The following DACH1 variants were observed in gnomAD, a reference collection of about 807,000 sequenced individuals.
DACH1 encodes dachshund family transcription factor 1, also known as dachshund homolog 1.
In DACH1, 12 loss-of-function variants were observed where a neutral mutation model predicts 54.2. That is an observed-to-expected ratio of 0.22 (90% CI 0.14 to 0.36). The LOEUF (loss-of-function observed/expected upper bound fraction) is 0.36. Ranked by LOEUF, DACH1 falls within the 10% of genes least tolerant of loss-of-function variation. The probability of loss-of-function intolerance (pLI) is 1.00; values close to 1 mark genes in which losing one functional copy is unlikely to be tolerated. For missense variants in DACH1, 805 were observed against 929.8 expected, an observed-to-expected ratio of 0.87 and a Z score of 1.75; for synonymous variants, 386 against 366.2, an observed-to-expected ratio of 1.05 and a Z score of -0.62.
chr13:71,775,783 A>C (rs1375215122), intron 1 of DACH1, among the ~76,000 whole-genome samples: 2 of 152,170 alleles, frequency 1.3e-5, no homozygotes, highest in African/African-American at 2.4e-5. Context: ...TAACTGAAAA[A>C]TCTAACATCA....
At chr13:71,494,468 G>T (rs111940994) in intron 6 of DACH1, among the ~76,000 whole-genome samples, 7 of 152,190 alleles carry the variant, frequency 4.6e-5, no homozygotes, top group African/African-American at 1.7e-4. Context: ...TTGCCTATCT[G>T]TAGGTTAATG....
intron 2 of DACH1, among the ~76,000 whole-genome samples, chr13:71,638,508 T>C (rs1459606700): frequency 1.3e-5 from 2 of 152,212 alleles, no homozygotes; most frequent in Non-Finnish European, 2.9e-5. Flanking sequence ...TGATACATCA[T>C]GGCAGTATTT....
At chr13:71,856,346 T>C (rs142671399) in intron 1 of DACH1, among the ~76,000 whole-genome samples, 2 of 152,094 alleles carry the variant, frequency 1.3e-5, no homozygotes, top group Non-Finnish European at 2.9e-5. Context: ...GCATGTACCA[T>C]ACTGTCAACA....
At chr13:71,615,643 C>T (rs978150464) in intron 3 of DACH1, among the ~76,000 whole-genome samples, 13 of 152,072 alleles carry the variant, frequency 8.5e-5, no homozygotes, top group Admixed American at 7.2e-4. Flanking sequence ...TCAGAGACTG[C>T]AGTAAATAAT....
intron 3 of DACH1, among the ~76,000 whole-genome samples, chr13:71,589,524 T>C (rs1873536057): frequency 6.6e-6 from 1 of 151,978 alleles, no homozygotes; most frequent in Admixed American, 6.6e-5. Context: ...TTAAGTCAAA[T>C]TATATACTCA....
intron 3 of DACH1, among the ~76,000 whole-genome samples, chr13:71,614,939 A>T (rs190141725): frequency 0.012 from 1,861 of 149,876 alleles, 42 homozygotes; most frequent in African/African-American, 0.042. Context: ...TTTTTTTTTT[A>T]AAAAAAGATA....
chr13:71,542,625 T>G (rs1043259549), intron 6 of DACH1, among the ~76,000 whole-genome samples: 5 of 152,154 alleles, frequency 3.3e-5, no homozygotes, highest in African/African-American at 1.2e-4. Flanking sequence ...AAAAGTCTGT[T>G]TAATCTTAAA....
chr13:71,443,547 G>T (rs577148066), intron 10 of DACH1, among the ~76,000 whole-genome samples: 28 of 152,222 alleles, frequency 1.8e-4, no homozygotes, highest in Non-Finnish European at 3.5e-4. Flanking sequence ...TCATAATAAA[G>T]ATCTGCTCCC....
intron 1 of DACH1, among the ~76,000 whole-genome samples, chr13:71,864,214 C>CACA (rs35136330): frequency 0.04 from 4,560 of 113,034 alleles, 143 homozygotes; most frequent in African/African-American, 0.11. Context: ...CACACACACA[C>CACA]AACATTTACC....
intron 10 of DACH1, among the ~76,000 whole-genome samples, chr13:71,451,142 C>T (rs1015966448): frequency 2.6e-5 from 4 of 152,090 alleles, no homozygotes; most frequent in Admixed American, 1.3e-4. Context: ...GAAAGCCCTT[C>T]GACAAAGTGT....
chr13:71,827,031 T>G (rs1213127891), intron 1 of DACH1, among the ~76,000 whole-genome samples: 1 of 152,116 alleles, frequency 6.6e-6, no homozygotes, highest in Non-Finnish European at 1.5e-5. Context: ...GGAGTATTAT[T>G]ATTATCTTGA....
chr13:71,542,731 C>T (rs571358494), intron 6 of DACH1, among the ~76,000 whole-genome samples: 1 of 152,004 alleles, frequency 6.6e-6, no homozygotes, highest in Non-Finnish European at 1.5e-5. Flanking sequence ...AATATATAAA[C>T]TCTAATCTAA....
intron 3 of DACH1, among the ~76,000 whole-genome samples, chr13:71,604,526 T>A (rs1486490678): frequency 6.6e-6 from 1 of 151,982 alleles, no homozygotes; most frequent in Non-Finnish European, 1.5e-5. Flanking sequence ...CCGTTAAATG[T>A]TACTTTTCCA....
At chr13:71,466,845 C>CAAAAAAAA (rs55861394) in intron 10 of DACH1, among the ~76,000 whole-genome samples, 3 of 99,446 alleles carry the variant, frequency 3.0e-5, no homozygotes, top group African/African-American at 1.2e-4. Flanking sequence ...CACCCTGTCT[C>CAAAAAAAA]AAAAAAAAAA....
At chr13:71,619,629 T>C (rs1876057180) in intron 3 of DACH1, among the ~76,000 whole-genome samples, 1 of 151,658 alleles carries the variant, frequency 6.6e-6, no homozygotes, top group South Asian at 2.2e-4. Flanking sequence ...CAAAATAAAA[T>C]AATTAAGAAA....
intron 10 of DACH1, among the ~76,000 whole-genome samples, chr13:71,451,396 A>G (rs1875043066): frequency 6.6e-6 from 1 of 152,198 alleles, no homozygotes; most frequent in Non-Finnish European, 1.5e-5. Flanking sequence ...TATTTCTAGC[A>G]TCTTGAGCAT....
intron 2 of DACH1, among the ~76,000 whole-genome samples, chr13:71,654,699 C>A (rs1276304952): frequency 6.6e-6 from 1 of 151,896 alleles, no homozygotes; most frequent in African/African-American, 2.4e-5. Flanking sequence ...CATTACAGTT[C>A]ACAAACGTTA....
At chr13:71,841,241 C>T (rs9592810) in intron 1 of DACH1, among the ~76,000 whole-genome samples, 3,909 of 152,014 alleles carry the variant, frequency 0.026, 76 homozygotes, top group Non-Finnish European at 0.033. Flanking sequence ...AAATTTAATA[C>T]GTATATGTGC....
At chr13:71,851,936 C>T (rs1397857726) in intron 1 of DACH1, among the ~76,000 whole-genome samples, 1 of 152,070 alleles carries the variant, frequency 6.6e-6, no homozygotes, top group African/African-American at 2.4e-5. Flanking sequence ...TCTCAGTGGG[C>T]TTCTGCATCA....
Sources: gnomAD v4.1 joint callset for allele counts (sites outside exome capture counted in the v4.1 genomes callset) on GRCh38, gnomAD v4.1.1 for gene constraint, MANE v1.5 for transcripts, NCBI Gene and HGNC (gene_info 2026-07-23, HGNC 2026-07-21) for gene names.